Variants in GNPTAB observed in about 807,000 individuals in gnomAD.
The protein encoded by GNPTAB is N-acetylglucosamine-1-phosphate transferase subunits alpha and beta, also known as N-acetylglucosamine-1-phosphotransferase subunits alpha/beta.
GNPTAB carries 92 observed loss-of-function variants against 136.6 expected under a neutral mutation model. The ratio of observed to expected loss-of-function variants is 0.67; its 90% CI spans 0.57 to 0.80. The LOEUF (loss-of-function observed/expected upper bound fraction) is 0.80, where lower values mean the gene tolerates loss of function less well. GNPTAB is among the 30% of genes least tolerant of loss of function. GNPTAB has a pLI of 0.00. For synonymous variants in GNPTAB, 512 were observed against 535.1 expected, an observed-to-expected ratio of 0.96 and a Z score of 0.60; for missense variants, 1,343 against 1,501.8, an observed-to-expected ratio of 0.89 and a Z score of 1.75.
At chr12:101,780,416 G>A in intron 6 of GNPTAB, 130 bp from the exon 7 acceptor site, 3 of 1,133,384 alleles carry the variant, frequency 2.6e-6, no homozygotes, top group Non-Finnish European at 3.9e-6. Flanking sequence ...AGGATTACTT[G>A]AATCAACAGT....
intron 1 of GNPTAB, among the ~76,000 whole-genome samples, chr12:101,830,312 G>A (rs1871301124): frequency 6.6e-6 from 1 of 152,188 alleles, no homozygotes; most frequent in South Asian, 2.1e-4. Flanking sequence ...CATAGTCTCT[G>A]CACACGTTTA....
In GNPTAB at chr12:101,766,114, A is replaced by G; in HGVS notation, c.1589T>C (p.Phe530Ser). The G allele has an allele frequency of 6.2e-7, 1 of 1,614,122 alleles. No homozygotes were observed. The highest frequency in any genetic ancestry group is 8.5e-7 in the Non-Finnish European group (1 of 1,179,982). ...DQACNVLSCG[F>S]DAGDCGQDHF... Reference sequence around the variant, plus strand: ...ACCTTGCCCACAGTCGCCAGCATCAAACCCACAGGACAAGACATTGCATGC... The same window carrying G: ...ACCTTGCCCACAGTCGCCAGCATCAGACCCACAGGACAAGACATTGCATGC... The change falls in exon 12 of 21, where the codon TTT becomes TCT. Residue 530 changes from phenylalanine (F) to serine (S), a missense_variant. Coordinates refer to ENST00000299314, the MANE Select transcript of GNPTAB (RefSeq NM_024312.5).
Position 101,796,718 on chromosome 12 carries a change from A to G in GNPTAB, c.162T>C (p.Asp54=). 1 of 1,613,266 alleles carries G rather than the reference A, an allele frequency of 6.2e-7. No homozygotes were observed. Residue 54 remains aspartate (D), a synonymous_variant, in exon 2 of 21, where the codon GAT becomes GAC. Transcript: ENST00000299314. ...TTCCAGCAATATTGTCTCTATAGGA[A>G]TCAAACAAAACATGGTATTGATCTC... ...WSRDQYHVLF[D]SYRDNIAGKS...
intron 13 of GNPTAB, 80 bp from the exon 14 acceptor site, chr12:101,761,843 G>GTCT: frequency 9.3e-7 from 1 of 1,069,672 alleles, no homozygotes; most frequent in Non-Finnish European, 1.4e-6. Context: ...TTTATATAAT[G>GTCT]TGGTAATAAC....
At chr12:101,811,487 AACTG>A (rs1284154568) in intron 1 of GNPTAB, among the ~76,000 whole-genome samples, 1 of 151,988 alleles carries the variant, frequency 6.6e-6, no homozygotes, top group African/African-American at 2.4e-5. Context: ...AAAGAGGTTT[AACTG>A]ACTCACAGTT....
chr12:101,789,858 C>T (rs1358915404), intron 3 of GNPTAB, 80 bp downstream of exon 3: 1 of 1,311,240 alleles, frequency 7.6e-7, no homozygotes, highest in Non-Finnish European at 1.1e-6. Context: ...TTTTCATGCT[C>T]ATATGTGAGA....
intron 17 of GNPTAB, 54 bp downstream of exon 17, chr12:101,757,518 G>T: frequency 1.1e-6 from 1 of 938,744 alleles, no homozygotes; most frequent in South Asian, 1.3e-5. Flanking sequence ...AAAAAAGCCA[G>T]ACCTTTGTGA....
chr12:101,796,672 C>G lies in GNPTAB; in HGVS notation c.203+5G>C, dbSNP rs1219630919. On this transcript the variant is annotated splice_donor_5th_base_variant and intron_variant, in intron 2 of 20. Coordinates refer to ENST00000299314, the MANE Select transcript of GNPTAB (RefSeq NM_024312.5). ...AATAATAGATTTCTCCAAAATAGATCTTACCGATTCTGAAAGGACTTTCCA... is the reference window on the plus strand; with the variant it reads ...AATAATAGATTTCTCCAAAATAGATGTTACCGATTCTGAAAGGACTTTCCA... The G allele has an allele frequency of 6.4e-7, 1 of 1,574,564 alleles. No homozygotes were observed. Among genetic ancestry groups the G allele is most frequent in the South Asian group, 1.1e-5 (1 of 90,344 alleles).
Position 101,745,856 on chromosome 12 carries a change from G to GA in GNPTAB, c.*1307dup, listed in dbSNP as rs1211929585. On this transcript the variant is annotated 3_prime_UTR_variant, in exon 21 of 21. Coordinates refer to ENST00000299314, the MANE Select transcript of GNPTAB (RefSeq NM_024312.5). Reference sequence around the variant, plus strand: ...CAAGATAAGCCTGACCAATATGGTGGAACCCCCGTCTCTACTAAAAATACA... The same window carrying GA: ...CAAGATAAGCCTGACCAATATGGTGGAAACCCCCGTCTCTACTAAAAATACA... 4 of 152,230 alleles carry GA rather than the reference G, an allele frequency of 2.6e-5. No individual in the cohort carries two copies. The highest frequency in any genetic ancestry group is 4.4e-5 in the Non-Finnish European group (3 of 68,106). 9.4% of individuals were successfully genotyped at this position (152,230 alleles called of 1,614,324 possible).
At chr12:101,760,396 C>A (rs2137110993) in intron 15 of GNPTAB, among the ~76,000 whole-genome samples, 1 of 152,282 alleles carries the variant, frequency 6.6e-6, no homozygotes, top group Admixed American at 6.5e-5. Flanking sequence ...TGGTCCAGGG[C>A]TCAGGAGAAA....
intron 1 of GNPTAB, among the ~76,000 whole-genome samples, chr12:101,822,293 G>A (rs1870848674): frequency 6.6e-6 from 1 of 152,174 alleles, no homozygotes; most frequent in Admixed American, 6.5e-5. Flanking sequence ...GGAGCCTGTA[G>A]TCCCAGCTAC....
Position 101,786,136 on chromosome 12 carries a change from G to T in GNPTAB, c.447C>A (p.Ile149=). The T allele has an allele frequency of 6.2e-7, 1 of 1,614,076 alleles. No homozygotes were observed. Among genetic ancestry groups the T allele is most frequent in the Non-Finnish European group, 8.5e-7 (1 of 1,179,958 alleles). ...LVLDPALPAN[I]TLKDLPSLYP... Reference sequence around the variant, plus strand: ...AAAGAGATGGCAGGTCCTTCAGGGTGATGTTGGCTGGCAGGGCTGGGTCCA... The same window carrying T: ...AAAGAGATGGCAGGTCCTTCAGGGTTATGTTGGCTGGCAGGGCTGGGTCCA... The change falls in exon 5 of 21, where the codon ATC becomes ATA. Residue 149 remains isoleucine, a synonymous_variant. Coordinates refer to ENST00000299314, the MANE Select transcript of GNPTAB (RefSeq NM_024312.5).
chr12:101,759,527 A>AT (rs1952960260), intron 16 of GNPTAB, among the ~76,000 whole-genome samples: 1 of 152,082 alleles, frequency 6.6e-6, no homozygotes, highest in African/African-American at 2.4e-5. Context: ...TTTTCTTCAC[A>AT]TTATAACCTC....
In GNPTAB at chr12:101,768,019, A is replaced by G. The variant is rs770554349; in HGVS notation, c.1408+18T>C. On this transcript the variant is annotated intron_variant, in intron 11 of 20. Transcript: ENST00000299314. ...TATTCCATAAAAATGAACGAATTAC[A>G]GTTTAACACATCCTTACCAGAGCAA... is the stretch of plus-strand genomic sequence containing the variant. 1 of 1,613,202 alleles carries G rather than the reference A, an allele frequency of 6.2e-7. No homozygotes were observed. The highest frequency in any genetic ancestry group is 2.2e-5 in the East Asian group (1 of 44,886).
chr12:101,791,894 C>T (rs1299515085), intron 2 of GNPTAB, among the ~76,000 whole-genome samples: 4 of 152,170 alleles, frequency 2.6e-5, no homozygotes, highest in Non-Finnish European at 5.9e-5. Context: ...TTATTGAGCG[C>T]TTAATATGTG....
intron 2 of GNPTAB, chr12:101,795,840 TAGTG>T (rs1203681042): frequency 1.2e-5 from 2 of 163,214 alleles, no homozygotes; most frequent in East Asian, 1.7e-4. Context: ...ACCAAAAAAA[TAGTG>T]AGAAGACAGA....
In GNPTAB at chr12:101,770,397, G is replaced by T; in HGVS notation, c.1113+9C>A. On this transcript the variant is annotated intron_variant, in intron 9 of 20. Transcript: ENST00000299314. ...ATCACAGTCTTGTAATTTTTAGAAA[G>T]TCCTGTACCTGGTGTGTTACTATTG... 2 of 1,597,264 alleles carry T rather than the reference G, an allele frequency of 1.3e-6. No individual in the cohort carries two copies. The highest frequency in any genetic ancestry group is 1.7e-6 in the Non-Finnish European group (2 of 1,164,628).
intron 10 of GNPTAB, 149 bp downstream of exon 10, chr12:101,769,872 C>G: frequency 1.2e-6 from 1 of 818,348 alleles, no homozygotes; most frequent in Non-Finnish European, 2.1e-6. Context: ...GTCAAGTGAT[C>G]CACCCACCTC....
intron 1 of GNPTAB, among the ~76,000 whole-genome samples, chr12:101,824,425 TA>T (rs1566103034): frequency 4.5e-5 from 5 of 110,404 alleles, no homozygotes; most frequent in African/African-American, 1.0e-4. Context: ...TATATATATA[TA>T]TATATATTTT....
Sources: allele counts gnomAD v4.1 joint callset (sites outside exome capture counted in the v4.1 genomes callset), GRCh38; gene constraint gnomAD v4.1.1; transcripts MANE v1.5; gene names NCBI Gene and HGNC (gene_info 2026-07-23, HGNC 2026-07-21).